Variants in MYH8 observed in about 807,000 individuals in gnomAD.
MYH8 encodes the protein myosin-8.
A neutral mutation model predicts 233.2 loss-of-function variants in MYH8; 168 were observed. That is an observed-to-expected ratio of 0.72 (90% confidence interval 0.64 to 0.82). MYH8 has a LOEUF of 0.82. MYH8 is among the 40% of genes least tolerant of loss of function. MYH8 has a pLI of 0.00. For missense variants in MYH8, 1,995 were observed against 2,327.8 expected (o/e 0.86, Z 2.94); for synonymous variants, 785 against 850.6 (o/e 0.92, Z 1.34).
chr17:10,407,131 T>A, intron 17 of MYH8, 152 bp from the exon 18 acceptor site: 1 of 691,806 alleles, frequency 1.4e-6, no homozygotes, highest in Non-Finnish European at 2.5e-6. Context: ...TCAAGAGTTC[T>A]AGCCTGCCAA....
At position 10,419,889 on chromosome 17, in the gene MYH8, TC is replaced by T; in HGVS notation, c.210+128del. The stretch of plus-strand genomic sequence containing the variant: ...CTGTGAATTTCTTTTGCCTTCCACA[TC>T]TAATGTCTCAACACTGACTAGAAGG... On this transcript the variant is annotated intron_variant, in intron 3 of 39. Coordinates refer to ENST00000403437, the MANE Select transcript of MYH8 (RefSeq NM_002472.3). This position sits in a 1 kb window ranked among gnomAD's most constrained non-coding sequence, Gnocchi z 4.0. 1 of 1,054,750 alleles carries T rather than the reference TC, an allele frequency of 9.5e-7. No individual in the cohort carries two copies. The highest frequency in any genetic ancestry group is 1.3e-5 in the South Asian group (1 of 78,128). 65.3% of individuals were successfully genotyped at this position (1,054,750 alleles called of 1,614,324 possible). A position where few individuals can be genotyped will look rare whatever the true frequency, so the allele number is the denominator to read the frequency against.
Position 10,415,371 on chromosome 17 carries a change from T to C in MYH8, c.662A>G (p.Asp221Gly). ...TAGGGGATTGGCGCTGATGATTTGA[T>C]CTTCCAGAGTCCCCTGCAAAGGAAG... ...ESGKMQGTLE[D>G]QIISANPLLE... Residue 221 changes from aspartate (D) to glycine (G), a missense_variant, in exon 8 of 40, where the codon GAT becomes GGT. Coordinates refer to ENST00000403437, the MANE Select transcript of MYH8 (RefSeq NM_002472.3). This position sits in a 1 kb window ranked among gnomAD's most constrained non-coding sequence, Gnocchi z 4.1. The C allele has an allele frequency of 6.2e-7, 1 of 1,614,192 alleles. No homozygotes were observed. The highest frequency in any genetic ancestry group is 8.5e-7 in the Non-Finnish European group (1 of 1,180,010).
intron 21 of MYH8, among the ~76,000 whole-genome samples, chr17:10,404,924 A>G (rs2072178775): frequency 6.6e-6 from 1 of 152,122 alleles, no homozygotes; most frequent in Admixed American, 6.6e-5. Flanking sequence ...AGCACATACC[A>G]TTTGACATAT....
At position 10,415,358 on chromosome 17, in the gene MYH8, G is replaced by A. The variant is rs146651214; in HGVS notation, c.675C>T (p.Ser225=). Residue 225 remains serine (S), a synonymous_variant, in exon 8 of 40, where the codon AGC becomes AGT. Transcript: ENST00000403437. The surrounding 1 kb of genome is among the most constrained non-coding windows in gnomAD (Gnocchi z 4.1). ...MQGTLEDQII[S]ANPLLEAFGN... ...CAAAGGCCTCCAGTAGGGGATTGGC[G>A]CTGATGATTTGATCTTCCAGAGTCC... The A allele has an allele frequency of 7.8e-4, 1,260 of 1,614,150 alleles. 12 individuals are homozygous for A. The South Asian group carries it at 0.012, about 15-fold the overall frequency.
At chr17:10,407,469 T>C (rs985360446) in intron 17 of MYH8, among the ~76,000 whole-genome samples, 2 of 152,206 alleles carry the variant, frequency 1.3e-5, no homozygotes, top group Admixed American at 6.5e-5. Context: ...GTCCTAACTT[T>C]TGCCTTTCCT....
In MYH8 at chr17:10,406,875, C is replaced by T. The variant is rs1221950308; in HGVS notation, c.2053+17G>A. 6.2e-7 allele frequency: 1 copy of T among 1,613,376 alleles called. No individual in the cohort carries two copies. The highest frequency in any genetic ancestry group is 1.3e-5 in the African/African-American group (1 of 74,910). ...CAAACCTGTGCCCGTTTGATTATTT[C>T]ACTCTCTGTGTCTTACCAGGAGTTT... On this transcript the variant is annotated intron_variant, in intron 18 of 39. Transcript: ENST00000403437.
intron 21 of MYH8, 60 bp from the exon 22 acceptor site, chr17:10,404,645 T>A: frequency 6.2e-7 from 1 of 1,601,236 alleles, no homozygotes; most frequent in Non-Finnish European, 8.5e-7. Flanking sequence ...TTATTGTTAC[T>A]TATCACACAC....
In MYH8 at chr17:10,396,827, A is replaced by T; in HGVS notation, c.4338T>A (p.Asp1446Glu). 1 of 1,614,226 alleles carries T rather than the reference A, an allele frequency of 6.2e-7. No individual in the cohort carries two copies. The highest frequency in any genetic ancestry group is 8.5e-7 in the Non-Finnish European group (1 of 1,180,046). Residue 1446 changes from aspartate (D) to glutamate (E), a missense_variant, in exon 31 of 40, where the codon GAT (aspartate) becomes GAA (glutamate). Transcript: ENST00000403437. The surrounding 1 kb of genome is among the most constrained non-coding windows in gnomAD (Gnocchi z 4.2). ...ERSNAACAAL[D>E]KKQRNFDKVL... ...CCTTGTCAAAGTTCCTTTGCTTCTTATCAAGGGCTGCACAGGCTGCATTAG... is the reference window on the plus strand; with the variant it reads ...CCTTGTCAAAGTTCCTTTGCTTCTTTTCAAGGGCTGCACAGGCTGCATTAG...
intron 28 of MYH8, 124 bp downstream of exon 28, chr17:10,399,415 TGACC>T: frequency 1.3e-6 from 2 of 1,517,554 alleles, no homozygotes; most frequent in Non-Finnish European, 1.8e-6. Context: ...CTTTCCTTTT[TGACC>T]TTCTTAGCAA....
At chr17:10,392,795 T>C (rs370132509) in intron 37 of MYH8, 36 bp downstream of exon 37, 70 of 1,614,020 alleles carry the variant, frequency 4.3e-5, no homozygotes, top group Non-Finnish European at 5.5e-5. Flanking sequence ...AGTGCCCTTT[T>C]TCCCTTCCCA....
At chr17:10,402,982 T>C (rs2072157213) in intron 22 of MYH8, among the ~76,000 whole-genome samples, 1 of 152,216 alleles carries the variant, frequency 6.6e-6, no homozygotes, top group African/African-American at 2.4e-5. Flanking sequence ...ATTGATGAAC[T>C]GTTCTTAGCC....
Position 10,400,441 on chromosome 17 carries a change from C to T in MYH8, c.3684G>A (p.Lys1228=), listed in dbSNP as rs368839272. Residue 1228 remains lysine, a synonymous_variant, in exon 27 of 40, where the codon AAG becomes AAA. Coordinates refer to ENST00000403437, the MANE Select transcript of MYH8 (RefSeq NM_002472.3). The surrounding 1 kb of genome is among the most constrained non-coding windows in gnomAD (Gnocchi z 4.0). The part of the protein sequence containing the change: ...QKLEKEKSEL[K]METDDLSSNA... ...TACTGCTGAGGTCATCAGTCTCCAT[C>T]TTCAGCTCACTCTTCTCCTTCTCCA... The T allele has an allele frequency of 6.2e-7, 1 of 1,613,998 alleles. No individual in the cohort carries two copies. Among genetic ancestry groups the T allele is most frequent in the Admixed American group, 1.7e-5 (1 of 60,018 alleles).
intron 22 of MYH8, 59 bp downstream of exon 22, chr17:10,404,271 A>G: frequency 1.2e-6 from 2 of 1,606,250 alleles, no homozygotes; most frequent in South Asian, 1.1e-5. Context: ...AATCCAAAGT[A>G]TATGTGTGTT....
At chr17:10,403,187 GCCTTGTCCATTC>G (rs1473224979) in intron 22 of MYH8, among the ~76,000 whole-genome samples, 1 of 152,128 alleles carries the variant, frequency 6.6e-6, no homozygotes, top group Non-Finnish European at 1.5e-5. Context: ...TGCCACATTT[GCCTTGTCCATTC>G]CATTTGTGGC....
rs1341566380 is a variant in MYH8, at chr17:10,398,759, A to G, written c.3981+9T>C. On this transcript the variant is annotated intron_variant, in intron 29 of 39. Coordinates refer to ENST00000403437, the MANE Select transcript of MYH8 (RefSeq NM_002472.3). Reference sequence around the variant, plus strand: ...TTGGTTAGTCAAAAAAATCCTTGGCAAAACTCACTTTAGTTTCTTCCTCTA... The same window carrying G: ...TTGGTTAGTCAAAAAAATCCTTGGCGAAACTCACTTTAGTTTCTTCCTCTA... 1.9e-6 allele frequency: 3 copies of G among 1,614,056 alleles called. No homozygotes were observed. Among genetic ancestry groups the G allele is most frequent in the Non-Finnish European group, 2.5e-6 (3 of 1,179,964 alleles).
chr17:10,405,940 GA>G, intron 21 of MYH8, 100 bp downstream of exon 21: 1 of 1,428,964 alleles, frequency 7.0e-7, no homozygotes, highest in Non-Finnish European at 9.8e-7. Context: ...AATTGGGTGA[GA>G]GGAACTATTA....
chr17:10,396,554 T>G lies in MYH8; in HGVS notation c.4527A>C (p.Gln1509His). 1 of 1,614,006 alleles carries G rather than the reference T, an allele frequency of 6.2e-7. No individual in the cohort carries two copies. The highest frequency in any genetic ancestry group is 8.5e-7 in the Non-Finnish European group (1 of 1,179,956). The stretch of plus-strand genomic sequence containing the variant: ...GTAGGGAGGACTGTGAGGACTCACG[T>G]TGCAAGTTCTTATTTTCTCTTCTTA... Reference protein sequence around the residue: ...ETLRRENKNLQQEISDLTEQI... With the variant: ...ETLRRENKNLHQEISDLTEQI... Residue 1509 changes from glutamine to histidine, a missense_variant and splice_region_variant, in exon 32 of 40, where the codon CAA becomes CAC. Around this residue, in one of 3 missense-constraint regions of MYH8, gnomAD observed 1,498 missense variants for 1,680.9 expected, o/e 0.89. Coordinates refer to ENST00000403437, the MANE Select transcript of MYH8 (RefSeq NM_002472.3). This position sits in a 1 kb window ranked among gnomAD's most constrained non-coding sequence, Gnocchi z 4.2.
At chr17:10,392,291 T>G (rs1567680440) in intron 38 of MYH8, among the ~76,000 whole-genome samples, 3 of 147,720 alleles carry the variant, frequency 2.0e-5, no homozygotes, top group African/African-American at 8.0e-5. Flanking sequence ...GAGGCCAAAC[T>G]AGGACTAATA....
At chr17:10,413,852 T>G (rs770079586) in intron 12 of MYH8, 50 bp downstream of exon 12, 1 of 1,613,564 alleles carries the variant, frequency 6.2e-7, no homozygotes, top group South Asian at 1.1e-5. Flanking sequence ...ATAGGATTTT[T>G]TTTTTTGCTA....
Sources: gnomAD v4.1 joint callset for allele counts (sites outside exome capture counted in the v4.1 genomes callset) on GRCh38, gnomAD v4.1.1 for gene constraint, gnomAD v4.1.1 regional missense constraint, Gnocchi (gnomAD v3.1) non-coding constraint, MANE v1.5 for transcripts, NCBI Gene and HGNC (gene_info 2026-07-23, HGNC 2026-07-21) for gene names.